The following ZNF585A variants were observed in gnomAD, a reference collection of about 807,000 sequenced individuals.
ZNF585A encodes the protein zinc finger protein 585A.
ZNF585A carries 9 observed loss-of-function variants against 14.9 expected under a neutral mutation model. The ratio of observed to expected loss-of-function variants is 0.60; its 90% CI spans 0.36 to 1.05. The LOEUF is 1.05. Ranked by LOEUF, ZNF585A falls within the 50% of genes least tolerant of loss-of-function variation. ZNF585A has a pLI of 0.01. For missense variants in ZNF585A, 726 were observed against 926.4 expected, an observed-to-expected ratio of 0.78 and a Z score of 2.81; for synonymous variants, 276 against 319.9, an observed-to-expected ratio of 0.86 and a Z score of 1.46.
chr19:37,155,235 G>A (rs543813020), intron 4 of ZNF585A, among the ~76,000 whole-genome samples: 4 of 151,964 alleles, frequency 2.6e-5, no homozygotes, highest in Admixed American at 1.3e-4. Context: ...TGATCTGCCC[G>A]CCTCGGCCTC....
Position 37,152,290 on chromosome 19 carries a change from G to A in ZNF585A, c.1609C>T (p.Leu537Phe). The A allele has an allele frequency of 1.2e-6, 2 of 1,614,100 alleles. No homozygotes were observed. Among genetic ancestry groups the A allele is most frequent in the African/African-American group, 2.7e-5 (2 of 75,006 alleles). The change falls in exon 5 of 5, where the codon CTC (leucine) becomes TTC (phenylalanine). Residue 537 changes from leucine (L) to phenylalanine (F), a missense_variant. Around this residue, in one of 2 missense-constraint regions of ZNF585A, gnomAD observed 243 missense variants for 383.6 expected, o/e 0.63. Transcript: ENST00000292841. ...GTGTGAATTTTCTGATGTATATTGA[G>A]GTGTGACTTCTGAGTGAAGGCTTTT... is the stretch of plus-strand genomic sequence containing the variant. ...CGKAFTQKSH[L>F]NIHQKIHTGE...
In ZNF585A at chr19:37,152,759, T is replaced by C. The variant is rs2145397235; in HGVS notation, c.1140A>G (p.Lys380=). 6.2e-7 allele frequency: 1 copy of C among 1,614,150 alleles called. No homozygotes were observed. Among genetic ancestry groups the C allele is most frequent in the Non-Finnish European group, 8.5e-7 (1 of 1,180,020 alleles). ...IIHQRIHTGE[K]PYECSDCGKA... is the part of the protein sequence containing the mutation. Reference sequence around the variant, plus strand: ...TCCCACAGTCACTGCATTCATAAGGTTTCTCTCCAGTGTGAATTCTCTGAT... The same window carrying C: ...TCCCACAGTCACTGCATTCATAAGGCTTCTCTCCAGTGTGAATTCTCTGAT... Residue 380 remains lysine (K), a synonymous_variant, in exon 5 of 5, where the codon AAA becomes AAG. Transcript: ENST00000292841.
Position 37,156,982 on chromosome 19 carries a change from G to A in ZNF585A, c.73-627C>T, listed in dbSNP as rs113057561. On this transcript the variant is annotated intron_variant, in intron 2 of 4. Transcript: ENST00000292841. ...GCTGGGATTATGCGTGAGCCACCGC[G>A]CCTGGCCTCTCTTAATACTTCAAAA... Among the ~76,000 whole-genome samples, 1,048 of 152,260 alleles carry A rather than the reference G, an allele frequency of 6.9e-3. 18 individuals carry two copies. The highest frequency in any genetic ancestry group is 0.024 in the African/African-American group (999 of 41,562).
chr19:37,162,343 T>C (rs549833742), intron 2 of ZNF585A, among the ~76,000 whole-genome samples: 62 of 152,342 alleles, frequency 4.1e-4, no homozygotes, highest in African/African-American at 1.5e-3. Flanking sequence ...AATATCTTCA[T>C]TTCTTAAAAG....
In ZNF585A at chr19:37,149,309, A is replaced by G. The variant is rs534768717; in HGVS notation, c.*2280T>C. 2.0e-5 allele frequency: 3 copies of G among 152,360 alleles called. No homozygotes were observed. In the South Asian group the frequency reaches 6.2e-4, roughly 32 times the overall value. 9.4% of individuals were successfully genotyped at this position (152,360 alleles called of 1,614,324 possible). On this transcript the variant is annotated 3_prime_UTR_variant, in exon 5 of 5. Coordinates refer to ENST00000292841, the MANE Select transcript of ZNF585A (RefSeq NM_001288800.2). ...TTCTACCCAATTTTGCTTTGAACCTAAAACTACTCTAAAAAATAAAGCCTT... is the reference window on the plus strand; with the variant it reads ...TTCTACCCAATTTTGCTTTGAACCTGAAACTACTCTAAAAAATAAAGCCTT...
intron 2 of ZNF585A, among the ~76,000 whole-genome samples, chr19:37,161,615 G>A (rs1972014573): frequency 1.3e-5 from 2 of 151,746 alleles, no homozygotes; most frequent in African/African-American, 2.4e-5. Context: ...CTCCTCTTCC[G>A]CCTCTGCCAC....
chr19:37,155,043 C>G (rs1464794045), intron 4 of ZNF585A, among the ~76,000 whole-genome samples: 1 of 147,698 alleles, frequency 6.8e-6, no homozygotes, highest in Non-Finnish European at 1.5e-5. Context: ...CTCTGTCGCC[C>G]AGGCTGGAGT....
Position 37,170,930 on chromosome 19 carries a change from A to G in ZNF585A, c.-144-876T>C, listed in dbSNP as rs542266142. Among the ~76,000 whole-genome samples, 3 of 152,394 alleles carry G rather than the reference A, an allele frequency of 2.0e-5. No individual in the cohort carries two copies. The East Asian group carries it at 5.8e-4, about 29-fold the overall frequency. On this transcript the variant is annotated intron_variant, in intron 1 of 4. Coordinates refer to ENST00000292841, the MANE Select transcript of ZNF585A (RefSeq NM_001288800.2). ...GATTACCATGCATTATCAGATATTA[A>G]AACAATATAAAAACAATGTAATAAA... is the stretch of plus-strand genomic sequence containing the variant.
rs1020498724 is a variant in ZNF585A at position 37,149,366 on chromosome 19, C to T, written c.*2223G>A. ...ATACGGGTATATGCATATACATATACGTAAGTATTATAATATTGTTACAAT... is the reference window on the plus strand; with the variant it reads ...ATACGGGTATATGCATATACATATATGTAAGTATTATAATATTGTTACAAT... On this transcript the variant is annotated 3_prime_UTR_variant, in exon 5 of 5. Coordinates refer to ENST00000292841, the MANE Select transcript of ZNF585A (RefSeq NM_001288800.2). The T allele has an allele frequency of 3.9e-5, 6 of 151,928 alleles. No homozygotes were observed. Among genetic ancestry groups the T allele is most frequent in the African/African-American group, 7.3e-5 (3 of 41,358 alleles). The allele number at this position is 151,928 out of a possible 1,614,324, so 9.4% of individuals were successfully genotyped here. A position where few individuals can be genotyped will look rare whatever the true frequency, so the allele number is the denominator to read the frequency against.
Position 37,151,487 on chromosome 19 carries a change from G to A in ZNF585A, c.*102C>T. On this transcript the variant is annotated 3_prime_UTR_variant, in exon 5 of 5. Coordinates refer to ENST00000292841, the MANE Select transcript of ZNF585A (RefSeq NM_001288800.2). ...ACAGCCATGTGTGACATTCTGCTGT[G>A]GTCATTTCTATTTACAATAATATAC... is the stretch of plus-strand genomic sequence containing the variant. 7.9e-7 allele frequency: 1 copy of A among 1,263,188 alleles called. No individual in the cohort carries two copies. Among genetic ancestry groups the A allele is most frequent in the East Asian group, 2.4e-5 (1 of 41,240 alleles). 78.2% of individuals were successfully genotyped at this position (1,263,188 alleles called of 1,614,324 possible). A position where few individuals can be genotyped will look rare whatever the true frequency, so the allele number is the denominator to read the frequency against.
At chr19:37,155,787 A>G in intron 4 of ZNF585A, 78 bp downstream of exon 4, 1 of 1,493,420 alleles carries the variant, frequency 6.7e-7, no homozygotes, top group South Asian at 1.1e-5. Flanking sequence ...ATAGTATTCC[A>G]AGGGTGTTGG....
At chr19:37,165,878 A>C (rs1972084216) in intron 2 of ZNF585A, among the ~76,000 whole-genome samples, 1 of 152,224 alleles carries the variant, frequency 6.6e-6, no homozygotes, top group South Asian at 2.1e-4. Flanking sequence ...AACCATTTAA[A>C]TTCTTACCAA....
intron 2 of ZNF585A, among the ~76,000 whole-genome samples, chr19:37,160,836 T>C (rs1438278681): frequency 6.6e-6 from 1 of 152,144 alleles, no homozygotes; most frequent in Non-Finnish European, 1.5e-5. Context: ...CTAGGCTAGA[T>C]AGTTCTACCA....
intron 2 of ZNF585A, chr19:37,165,581 C>T (rs952151864): frequency 1.1e-5 from 10 of 937,198 alleles, no homozygotes; most frequent in Middle Eastern, 1.1e-3. Context: ...TCACTAATCC[C>T]AGTAAAAACC....
intron 2 of ZNF585A, among the ~76,000 whole-genome samples, chr19:37,161,805 A>G (rs571154093): frequency 4.3e-4 from 65 of 152,180 alleles, no homozygotes; most frequent in African/African-American, 1.5e-3. Context: ...TATTCTAAGA[A>G]AAAAAAAGTC....
At position 37,150,659 on chromosome 19, in the gene ZNF585A, G is replaced by A. The variant is rs1971812119; in HGVS notation, c.*930C>T. On this transcript the variant is annotated 3_prime_UTR_variant, in exon 5 of 5. Transcript: ENST00000292841. The stretch of plus-strand genomic sequence containing the variant: ...TTTCCAGCCCTAAACATATGGTTGT[G>A]TTGGTTTTCATATAAGTTATTAATC... 1 of 152,226 alleles carries A rather than the reference G, an allele frequency of 6.6e-6. No individual in the cohort carries two copies. The highest frequency in any genetic ancestry group is 1.5e-5 in the Non-Finnish European group (1 of 68,098). 9.4% of individuals were successfully genotyped at this position (152,226 alleles called of 1,614,324 possible). A position where few individuals can be genotyped will look rare whatever the true frequency, so the allele number is the denominator to read the frequency against.
rs373038145 is a variant in ZNF585A at position 37,153,074 on chromosome 19, G to A, written c.825C>T (p.Cys275=). Reference sequence around the variant, plus strand: ...GGGTCTTCTGGATGAAGGCCTGTCCGCATTCAATACAGATGTAGGATCTCT... The same window carrying A: ...GGGTCTTCTGGATGAAGGCCTGTCCACATTCAATACAGATGTAGGATCTCT... ...TGERSYICIE[C]GQAFIQKTHL... The change falls in exon 5 of 5, where the codon TGC becomes TGT. Residue 275 remains cysteine, a synonymous_variant. Coordinates refer to ENST00000292841, the MANE Select transcript of ZNF585A (RefSeq NM_001288800.2). 2.5e-5 allele frequency: 40 copies of A among 1,613,994 alleles called. No homozygotes were observed. The highest frequency in any genetic ancestry group is 2.2e-4 in the East Asian group (10 of 44,890).
Position 37,156,357 on chromosome 19 carries a change from T to C in ZNF585A, c.73-2A>G. On this transcript the variant is annotated splice_acceptor_variant, in intron 2 of 4. Coordinates refer to ENST00000292841, the MANE Select transcript of ZNF585A (RefSeq NM_001288800.2). LOFTEE classifies it high-confidence loss of function. ...CACATCCCTGAAGGACACTGATCCC[T>C]GTAAGGGCAAATTCTTGTTCAATGT... The C allele has an allele frequency of 6.2e-7, 1 of 1,614,132 alleles. No homozygotes were observed.
At chr19:37,164,208 G>C (rs1972053061) in intron 2 of ZNF585A, among the ~76,000 whole-genome samples, 1 of 151,956 alleles carries the variant, frequency 6.6e-6, no homozygotes, top group Non-Finnish European at 1.5e-5. Flanking sequence ...CACGAGGTCG[G>C]GAGATCGAGA....
Sources: allele counts gnomAD v4.1 joint callset (sites outside exome capture counted in the v4.1 genomes callset), GRCh38; gene constraint gnomAD v4.1.1; regional missense constraint gnomAD v4.1.1; transcripts MANE v1.5; gene names NCBI Gene and HGNC (gene_info 2026-07-23, HGNC 2026-07-21).